The following RBFOX1 variants were observed in gnomAD, a reference collection of about 807,000 sequenced individuals.
RBFOX1 encodes RNA binding fox-1 homolog 1, also known as RNA binding protein fox-1 homolog 1.
In RBFOX1, 8 loss-of-function variants were observed where a neutral mutation model predicts 57.7. The observed-to-expected ratio is 0.14, with a 90% CI of 0.08 to 0.25. The LOEUF (loss-of-function observed/expected upper bound fraction) is 0.25. Among genes scored for constraint, RBFOX1 ranks in the 10% least tolerant of loss-of-function variants. The pLI, the probability that RBFOX1 is intolerant of heterozygous loss-of-function variation, is 1.00. For missense variants in RBFOX1, 611 were observed against 548.5 expected (o/e 1.11, Z -1.14); for synonymous variants, 326 against 222.4 (o/e 1.47, Z -4.15).
At chr16:6,367,159 A>C (rs767341911) in intron 2 of RBFOX1, among the ~76,000 whole-genome samples, 5 of 152,234 alleles carry the variant, frequency 3.3e-5, no homozygotes, top group Non-Finnish European at 5.9e-5. Context: ...GAGAGCTTTG[A>C]CGTCAGCACG....
At chr16:6,666,106 C>T (rs1201348548) in intron 3 of RBFOX1, among the ~76,000 whole-genome samples, 2 of 152,276 alleles carry the variant, frequency 1.3e-5, no homozygotes, top group East Asian at 3.9e-4. Context: ...CCTTTTGCCT[C>T]CCATCATGGT....
At chr16:7,628,143 G>C (rs1010718224) in intron 10 of RBFOX1, among the ~76,000 whole-genome samples, 2 of 152,098 alleles carry the variant, frequency 1.3e-5, no homozygotes, top group Non-Finnish European at 2.9e-5. Context: ...ATGTCCTTCT[G>C]TGTATGTTTG....
At chr16:6,235,757 A>C (rs2097501285) in intron 1 of RBFOX1, among the ~76,000 whole-genome samples, 2 of 152,162 alleles carry the variant, frequency 1.3e-5, no homozygotes, top group South Asian at 4.1e-4. Flanking sequence ...TAACTCAGGA[A>C]TGGAAAACCA....
At chr16:5,633,154 G>T (rs543823964) in intron 3 of RBFOX1, among the ~76,000 whole-genome samples, 4 of 151,978 alleles carry the variant, frequency 2.6e-5, no homozygotes, top group African/African-American at 9.7e-5. Flanking sequence ...GGCCAGGCTG[G>T]TCTCGAACTC....
intron 11 of RBFOX1, among the ~76,000 whole-genome samples, chr16:7,648,923 T>G (rs1367158095): frequency 1.3e-5 from 2 of 152,158 alleles, no homozygotes; most frequent in African/African-American, 4.8e-5. Flanking sequence ...TCTGGTTACT[T>G]TTTCCGAGAC....
Position 5,947,818 on chromosome 16 carries a change from C to A in RBFOX1, c.351+80483C>A, listed in dbSNP as rs561828237. On this transcript the variant is annotated intron_variant, in intron 4 of 19. Coordinates refer to the RBFOX1 transcript ENST00000641259. This position sits in a 1 kb window ranked among gnomAD's most constrained non-coding sequence, Gnocchi z 7.2. ...TATTCTTCATGGTGATAATGGAAACCTAAGTTGCTTTTTAAATTTGCTAAA... is the reference window on the plus strand; with the variant it reads ...TATTCTTCATGGTGATAATGGAAACATAAGTTGCTTTTTAAATTTGCTAAA... 6.6e-6 allele frequency among the ~76,000 whole-genome samples: 1 copy of A among 152,286 alleles called. No individual in the cohort carries two copies. The highest frequency in any genetic ancestry group is 2.4e-5 in the African/African-American group (1 of 41,550).
At chr16:7,218,812 C>G (rs1399437869) in intron 4 of RBFOX1, among the ~76,000 whole-genome samples, 6 of 151,756 alleles carry the variant, frequency 4.0e-5, no homozygotes, top group Non-Finnish European at 1.5e-5. Context: ...AGGAACCTGT[C>G]TAGAAGTATC....
At chr16:6,688,103 C>T (rs1327180568) in intron 3 of RBFOX1, among the ~76,000 whole-genome samples, 1 of 152,030 alleles carries the variant, frequency 6.6e-6, no homozygotes, top group Non-Finnish European at 1.5e-5. Context: ...AAAGAGATTT[C>T]ATTGGCTCCG....
At chr16:6,216,870 C>T (rs1490485805) in intron 1 of RBFOX1, among the ~76,000 whole-genome samples, 1 of 148,826 alleles carries the variant, frequency 6.7e-6, no homozygotes, top group Non-Finnish European at 1.5e-5. Flanking sequence ...CCCTATTTCA[C>T]TTTTTTTTTT....
chr16:7,215,783 G>T (rs1367267182), intron 4 of RBFOX1, among the ~76,000 whole-genome samples: 1 of 146,216 alleles, frequency 6.8e-6, no homozygotes, highest in African/African-American at 2.6e-5. Context: ...GGAGTGCAGT[G>T]GCGTGATCTC....
At chr16:7,324,375 C>T (rs946956092) in intron 4 of RBFOX1, among the ~76,000 whole-genome samples, 4 of 152,072 alleles carry the variant, frequency 2.6e-5, no homozygotes, top group African/African-American at 9.7e-5. Flanking sequence ...CTGTAGGGTC[C>T]TGGAGCACAG....
At chr16:7,240,520 T>G (rs527304118) in intron 4 of RBFOX1, among the ~76,000 whole-genome samples, 6 of 152,210 alleles carry the variant, frequency 3.9e-5, no homozygotes, top group African/African-American at 1.4e-4. Flanking sequence ...TTCTAAATAC[T>G]GGGGTTTTCG....
rs529681967 is a variant in RBFOX1, at chr16:6,583,468, T to A, written c.-63-71135T>A. Reference sequence around the variant, plus strand: ...GAGCATCTCACACTAGCCCTGTGGATGAACAGTGCTTAGTCAATGGAGGAA... The same window carrying A: ...GAGCATCTCACACTAGCCCTGTGGAAGAACAGTGCTTAGTCAATGGAGGAA... On this transcript the variant is annotated intron_variant, in intron 2 of 15. Transcript: ENST00000550418. 4.6e-5 allele frequency among the ~76,000 whole-genome samples: 7 copies of A among 152,370 alleles called. No individual in the cohort carries two copies. The East Asian group carries it at 1.4e-3, about 29-fold the overall frequency.
intron 2 of RBFOX1, among the ~76,000 whole-genome samples, chr16:6,624,689 A>G (rs1004393283): frequency 6.6e-6 from 1 of 151,920 alleles, no homozygotes; most frequent in African/African-American, 2.4e-5. Context: ...GTCACCAGAA[A>G]CTCCTAGACG....
At chr16:6,385,491 C>A (rs1425956147) in intron 2 of RBFOX1, among the ~76,000 whole-genome samples, 2 of 152,144 alleles carry the variant, frequency 1.3e-5, no homozygotes, top group African/African-American at 4.8e-5. Flanking sequence ...TCCCCAGTAG[C>A]TGGGATTACA....
chr16:6,770,318 C>T (rs1033933710), intron 3 of RBFOX1, among the ~76,000 whole-genome samples: 2 of 152,144 alleles, frequency 1.3e-5, no homozygotes, highest in African/African-American at 4.8e-5. Context: ...CTGTACAAAT[C>T]AAATAATGTA....
chr16:5,292,541 T>A (rs1017955276), intron 1 of RBFOX1, among the ~76,000 whole-genome samples: 2 of 152,192 alleles, frequency 1.3e-5, no homozygotes, highest in Non-Finnish European at 2.9e-5. Flanking sequence ...CCAATGCAAA[T>A]AGGCACTCAT....
At chr16:5,402,653 C>T (rs1009935196) in intron 1 of RBFOX1, among the ~76,000 whole-genome samples, 12 of 152,228 alleles carry the variant, frequency 7.9e-5, no homozygotes, top group Admixed American at 5.2e-4. Flanking sequence ...CCTTGCTTCC[C>T]GTGGTTGTGT....
intron 4 of RBFOX1, among the ~76,000 whole-genome samples, chr16:7,161,620 A>T (rs1384165018): frequency 2.0e-5 from 3 of 152,166 alleles, no homozygotes; most frequent in Non-Finnish European, 4.4e-5. Context: ...TCGGCTAAGT[A>T]ATCCCAGGGA....
Sources: allele counts gnomAD v4.1 joint callset (sites outside exome capture counted in the v4.1 genomes callset), GRCh38; gene constraint gnomAD v4.1.1; non-coding constraint Gnocchi (gnomAD v3.1); transcripts MANE v1.5; gene names NCBI Gene and HGNC (gene_info 2026-07-23, HGNC 2026-07-21).